The following FAT3 variants were observed in gnomAD, a reference collection of about 807,000 sequenced individuals.
FAT3 encodes the protein protocadherin Fat 3.
In FAT3, 95 loss-of-function variants were observed where a neutral mutation model predicts 310.2. The observed-to-expected ratio is 0.31, with a 90% confidence interval of 0.26 to 0.36. FAT3 has a LOEUF of 0.36. FAT3 is among the 10% of genes least tolerant of loss of function. FAT3 has a pLI of 1.00. For synonymous variants in FAT3, 2,314 were observed against 2,192.9 expected, an observed-to-expected ratio of 1.06 and a Z score of -1.54; for missense variants, 5,408 against 5,715.6, an observed-to-expected ratio of 0.95 and a Z score of 1.74.
intron 1 of FAT3, among the ~76,000 whole-genome samples, chr11:92,246,848 G>T (rs557996701): frequency 6.6e-6 from 1 of 152,100 alleles, no homozygotes; most frequent in Non-Finnish European, 1.5e-5. Flanking sequence ...AGAGGTTACT[G>T]AGAGTTGCAG....
At chr11:92,458,296 A>C (rs1351930108) in intron 2 of FAT3, among the ~76,000 whole-genome samples, 1 of 152,184 alleles carries the variant, frequency 6.6e-6, no homozygotes, top group East Asian at 1.9e-4. Flanking sequence ...AATGCCCATT[A>C]ATCTGTATTT....
At position 92,890,493 on chromosome 11, in the gene FAT3, T is replaced by C. The variant is rs1200113610; in HGVS notation, c.13150T>C (p.Tyr4384His). Residue 4384 changes from tyrosine (Y) to histidine (H), a missense_variant and splice_region_variant, in exon 28 of 28, where the codon TAT becomes CAT. By Grantham distance (83) the Tyr-to-His change is moderately conservative (BLOSUM62 2). Transcript: ENST00000525166. Reference sequence around the variant, plus strand: ...CTGTCATGGTTTTTCTCTTGCAGCCTATCACTGGGACACCTCTGATTGGAT... The same window carrying C: ...CTGTCATGGTTTTTCTCTTGCAGCCCATCACTGGGACACCTCTGATTGGAT... ...MDQGQNYNRAYHWDTSDWMPG... is the reference protein window; with the variant it reads ...MDQGQNYNRAHHWDTSDWMPG... The C allele has an allele frequency of 8.7e-6, 14 of 1,607,654 alleles. No homozygotes were observed. The highest frequency in any genetic ancestry group is 1.1e-5 in the Non-Finnish European group (13 of 1,176,260).
At chr11:92,772,427 T>C (rs1770727052) in intron 6 of FAT3, among the ~76,000 whole-genome samples, 1 of 152,134 alleles carries the variant, frequency 6.6e-6, no homozygotes, top group African/African-American at 2.4e-5. Context: ...TCCATTTTAT[T>C]TCATGTTGTT....
intron 3 of FAT3, among the ~76,000 whole-genome samples, chr11:92,532,561 G>C (rs1008750574): frequency 1.3e-5 from 2 of 152,034 alleles, no homozygotes; most frequent in Admixed American, 1.3e-4. Context: ...GAATCCATTA[G>C]AGAAAAAATA....
chr11:92,741,130 T>A (rs1363799632), intron 4 of FAT3, among the ~76,000 whole-genome samples: 4 of 152,166 alleles, frequency 2.6e-5, no homozygotes, highest in Non-Finnish European at 4.4e-5. Context: ...CAGCCTGCAC[T>A]TTTTGTGCTC....
At chr11:92,720,658 C>T (rs372437205) in intron 4 of FAT3, among the ~76,000 whole-genome samples, 17 of 152,174 alleles carry the variant, frequency 1.1e-4, no homozygotes, top group African/African-American at 4.1e-4. Context: ...CAACTGTTTT[C>T]ATTTATCTTT....
At chr11:92,398,139 A>G (rs1276760261) in intron 2 of FAT3, among the ~76,000 whole-genome samples, 1 of 151,988 alleles carries the variant, frequency 6.6e-6, no homozygotes, top group Non-Finnish European at 1.5e-5. Context: ...TCCTTGGCTT[A>G]TGGATGCATT....
At position 92,291,113 on chromosome 11, in the gene FAT3, A is replaced by ACACACACACG. The variant is rs1397034006; in HGVS notation, c.-17-60979_-17-60978insCACACGCACA. 2.6e-5 allele frequency among the ~76,000 whole-genome samples: 4 copies of ACACACACACG among 151,204 alleles called. No homozygotes were observed. The East Asian group carries it at 7.9e-4, about 30-fold the overall frequency. On this transcript the variant is annotated intron_variant, in intron 1 of 27. Transcript: ENST00000525166. ...CACACACACACACACACACACACAC[A>ACACACACACG]CACATGCACGCGCGCAGAAGTAGGT...
At position 92,810,151 on chromosome 11, in the gene FAT3, A is replaced by G. The variant is rs1022701016; in HGVS notation, c.9481+75A>G. On this transcript the variant is annotated intron_variant, in intron 13 of 27. Transcript: ENST00000525166. ...CAGGTGCTGCCATTCCTTTAGTTTT[A>G]TAAGAACCTTAATCAACCCCCTTGG... 4 of 1,353,190 alleles carry G rather than the reference A, an allele frequency of 3.0e-6. No homozygotes were observed. The Admixed American group carries it at 6.1e-5, about 20-fold the overall frequency. The allele number at this position is 1,353,190 out of a possible 1,614,324, so 83.8% of individuals were successfully genotyped here.
At chr11:92,657,190 A>G (rs1366400499) in intron 3 of FAT3, among the ~76,000 whole-genome samples, 1 of 152,098 alleles carries the variant, frequency 6.6e-6, no homozygotes, top group Non-Finnish European at 1.5e-5. Context: ...CCCAACCCCA[A>G]CCCCAGAATG....
rs56275316 is a variant in FAT3 at position 92,594,997 on chromosome 11, A to ATGTGTGTG, written c.3607+70071_3607+70078dup. Among the ~76,000 whole-genome samples the ATGTGTGTG allele has an allele frequency of 6.0e-3, 891 of 149,334 alleles. 2 individuals are homozygous for ATGTGTGTG. Among genetic ancestry groups the ATGTGTGTG allele is most frequent in the Admixed American group, 9.8e-3 (146 of 14,952 alleles). On this transcript the variant is annotated intron_variant, in intron 3 of 27. Transcript: ENST00000525166. ...TGAATACATATAGACTCATGAATAA[A>ATGTGTGTG]TGTGTGTGTGTGTGTGTGTGTGTGT...
At chr11:92,540,774 TG>T (rs1300822232) in intron 3 of FAT3, among the ~76,000 whole-genome samples, 133 of 103,050 alleles carry the variant, frequency 1.3e-3, no homozygotes, top group African/African-American at 4.0e-3. Context: ...TGTTTTGTTT[TG>T]TTTTTTTTGA....
rs1565296379 is a variant in FAT3, at chr11:92,412,733, ATATATAT to A, written c.3292+57330_3292+57336del. Among the ~76,000 whole-genome samples, 289 of 52,958 alleles carry A rather than the reference ATATATAT, an allele frequency of 5.5e-3. 38 individuals carry two copies. The highest frequency in any genetic ancestry group is 0.024 in the East Asian group (48 of 1,970). The allele number at this position is 52,958 out of a possible 152,430, so 34.7% of individuals were successfully genotyped here. Reference sequence around the variant, plus strand: ...TATATATATATATATATATATATATATATATATATATAAATATACATACATATATATA... The same window carrying A: ...TATATATATATATATATATATATATAATATAAATATACATACATATATATA... On this transcript the variant is annotated intron_variant, in intron 2 of 27. Coordinates refer to ENST00000525166, the MANE Select transcript of FAT3 (RefSeq NM_001367949.2).
rs16917497 is a variant in FAT3 at position 92,399,915 on chromosome 11, A to G, written c.3292+44511A>G. ...GCAGATCTGGCCAACAGGAGGTGCA[A>G]TACAGACAGAGTTGAGTTGTTCACT... On this transcript the variant is annotated intron_variant, in intron 2 of 27. Transcript: ENST00000525166. Among the ~76,000 whole-genome samples the G allele has an allele frequency of 3.8e-3, 582 of 152,290 alleles. 21 individuals carry two copies. The East Asian group carries it at 0.086, about 23-fold the overall frequency.
intron 1 of FAT3, among the ~76,000 whole-genome samples, chr11:92,297,163 C>T (rs12573846): frequency 0.12 from 18,003 of 152,054 alleles, 1,205 homozygotes; most frequent in East Asian, 0.29. Flanking sequence ...CATTGGTAGT[C>T]CTTCTCTTTC....
intron 3 of FAT3, among the ~76,000 whole-genome samples, chr11:92,629,363 G>C (rs79677235): frequency 0.019 from 2,930 of 151,410 alleles, 122 homozygotes; most frequent in East Asian, 0.18. Context: ...CTCTGCCTGG[G>C]ATCATCTGCC....
intron 1 of FAT3, among the ~76,000 whole-genome samples, chr11:92,292,701 G>C (rs548540953): frequency 1.3e-5 from 2 of 152,156 alleles, no homozygotes; most frequent in African/African-American, 4.8e-5. Context: ...GGCAGAGAGA[G>C]GATTGACATT....
chr11:92,362,406 C>G (rs1435214743), intron 2 of FAT3, among the ~76,000 whole-genome samples: 1 of 152,212 alleles, frequency 6.6e-6, no homozygotes, highest in East Asian at 1.9e-4. Context: ...TCTCACTCTT[C>G]TTTCTGCTCT....
chr11:92,592,119 T>C (rs1429568312), intron 3 of FAT3, among the ~76,000 whole-genome samples: 5 of 152,064 alleles, frequency 3.3e-5, no homozygotes, highest in Admixed American at 3.3e-4. Context: ...ATGGAGTATA[T>C]AGGAACTCTG....
Sources: allele counts gnomAD v4.1 joint callset (sites outside exome capture counted in the v4.1 genomes callset), GRCh38; gene constraint gnomAD v4.1.1; transcripts MANE v1.5; gene names NCBI Gene and HGNC (gene_info 2026-07-23, HGNC 2026-07-21).